USP31: variants seen among roughly 807,000 people sequenced by gnomAD.
USP31 encodes ubiquitin specific peptidase 31.
In USP31, 44 loss-of-function variants were observed where a neutral mutation model predicts 119.4. The ratio of observed to expected loss-of-function variants is 0.37; its 90% CI spans 0.29 to 0.47. USP31 has a LOEUF of 0.47. Among genes scored for constraint, USP31 ranks in the 20% least tolerant of loss-of-function variants. The probability of loss-of-function intolerance (pLI) is 0.99; values close to 1 mark genes in which losing one functional copy is unlikely to be tolerated. For synonymous variants in USP31, 749 were observed against 705.6 expected, an observed-to-expected ratio of 1.06 and a Z score of -0.97; for missense variants, 1,643 against 1,730.2, an observed-to-expected ratio of 0.95 and a Z score of 0.89.
intron 1 of USP31, among the ~76,000 whole-genome samples, chr16:23,121,247 G>A (rs1179765707): frequency 6.6e-6 from 1 of 152,176 alleles, no homozygotes; most frequent in African/African-American, 2.4e-5. Flanking sequence ...CAGACCTGCT[G>A]TGGCACTCTA....
rs1900061225 is a variant in USP31, at chr16:23,066,198, C to A, written c.*1848G>T. On this transcript the variant is annotated 3_prime_UTR_variant, in exon 16 of 16. Coordinates refer to ENST00000219689, the MANE Select transcript of USP31 (RefSeq NM_020718.4). Reference sequence around the variant, plus strand: ...GTACAGGGCTGAGTGCAATGGACAACAGGCTCACAGTCAATGAATCACATG... The same window carrying A: ...GTACAGGGCTGAGTGCAATGGACAAAAGGCTCACAGTCAATGAATCACATG... 1 of 152,476 alleles carries A rather than the reference C, an allele frequency of 6.6e-6. No homozygotes were observed. The highest frequency in any genetic ancestry group is 1.5e-5 in the Non-Finnish European group (1 of 68,018). 9.4% of individuals were successfully genotyped at this position (152,476 alleles called of 1,614,324 possible).
intron 1 of USP31, among the ~76,000 whole-genome samples, chr16:23,127,581 G>A (rs1255045821): frequency 6.6e-6 from 1 of 151,560 alleles, no homozygotes; most frequent in Non-Finnish European, 1.5e-5. Context: ...TCCTGCCTCA[G>A]CCTCCCAAGT....
intron 6 of USP31, among the ~76,000 whole-genome samples, chr16:23,098,848 A>G (rs1901728108): frequency 6.6e-6 from 1 of 152,244 alleles, no homozygotes; most frequent in Admixed American, 6.5e-5. Flanking sequence ...CTTAAATCTT[A>G]GACCTAGAAC....
At chr16:23,148,443 TTGAG>T (rs549839091) in intron 1 of USP31, among the ~76,000 whole-genome samples, 191 bp downstream of exon 1, 263 of 152,324 alleles carry the variant, frequency 1.7e-3, no homozygotes, top group African/African-American at 5.7e-3. Context: ...AAATACATGT[TTGAG>T]TGAGTGAGTG....
chr16:23,063,230 A>T lies in USP31; in HGVS notation c.*4816T>A, dbSNP rs1004211760. 1 of 152,218 alleles carries T rather than the reference A, an allele frequency of 6.6e-6. No homozygotes were observed. Among genetic ancestry groups the T allele is most frequent in the South Asian group, 2.1e-4 (1 of 4,834 alleles). 9.4% of individuals were successfully genotyped at this position (152,218 alleles called of 1,614,324 possible). A position where few individuals can be genotyped will look rare whatever the true frequency, so the allele number is the denominator to read the frequency against. ...AATTTGCTGTGCACCCCTTCTCCCA[A>T]AAATTGGGAAACACTAAACAAATGT... On this transcript the variant is annotated 3_prime_UTR_variant, in exon 16 of 16. Coordinates refer to ENST00000219689, the MANE Select transcript of USP31 (RefSeq NM_020718.4).
Position 23,081,897 on chromosome 16 carries a change from AC to A in USP31, c.1950+540del, listed in dbSNP as rs1900846128. ...AAGCTTGCTCATCTTTCAGATACAA[AC>A]TAAGAGCCAGGCCTTGTGGAGTCCG... On this transcript the variant is annotated intron_variant, in intron 12 of 15. Transcript: ENST00000219689. Among the ~76,000 whole-genome samples, 2 of 152,218 alleles carry A rather than the reference AC, an allele frequency of 1.3e-5. 1 individual carries two copies. Among genetic ancestry groups the A allele is most frequent in the African/African-American group, 4.8e-5 (2 of 41,454 alleles).
chr16:23,142,449 G>A (rs1903379151), intron 1 of USP31, among the ~76,000 whole-genome samples: 1 of 152,178 alleles, frequency 6.6e-6, no homozygotes, highest in Non-Finnish European at 1.5e-5. Flanking sequence ...ACACGTTTCA[G>A]CACGTCCCCT....
Position 23,149,380 on chromosome 16 carries a change from C to G in USP31, c.-110G>C. ...CGCCTCACCGGGCCCGGGGGCTCGA[C>G]GCCCCACACACCTCAAAGCGCAGCC... On this transcript the variant is annotated 5_prime_UTR_variant, in exon 1 of 16. Coordinates refer to ENST00000219689, the MANE Select transcript of USP31 (RefSeq NM_020718.4). 1 of 985,380 alleles carries G rather than the reference C, an allele frequency of 1.0e-6. No individual in the cohort carries two copies. Among genetic ancestry groups the G allele is most frequent in the African/African-American group, 1.8e-5 (1 of 56,920 alleles). 61.0% of individuals were successfully genotyped at this position (985,380 alleles called of 1,614,324 possible). A position where few individuals can be genotyped will look rare whatever the true frequency, so the allele number is the denominator to read the frequency against.
Position 23,063,781 on chromosome 16 carries a change from T to C in USP31, c.*4265A>G, listed in dbSNP as rs531696295. The C allele has an allele frequency of 1.3e-5, 2 of 152,258 alleles. No individual in the cohort carries two copies. The highest frequency in any genetic ancestry group is 4.1e-4 in the South Asian group (2 of 4,820). The allele number at this position is 152,258 out of a possible 1,614,324, so 9.4% of individuals were successfully genotyped here. On this transcript the variant is annotated 3_prime_UTR_variant, in exon 16 of 16. Coordinates refer to ENST00000219689, the MANE Select transcript of USP31 (RefSeq NM_020718.4). ...TTTCATGTCTATATGTTTTATTGTT[T>C]GCTTGCATAGGTAGTAAGAGCATGC...
At chr16:23,071,770 T>G (rs1312072431) in intron 15 of USP31, among the ~76,000 whole-genome samples, 1 of 151,068 alleles carries the variant, frequency 6.6e-6, no homozygotes, top group Non-Finnish European at 1.5e-5. Flanking sequence ...AAGTATACAT[T>G]GGTATATAAA....
chr16:23,068,677 G>A lies in USP31; in HGVS notation c.3428C>T (p.Pro1143Leu). The A allele has an allele frequency of 6.2e-7, 1 of 1,614,194 alleles. No individual in the cohort carries two copies. The highest frequency in any genetic ancestry group is 8.5e-7 in the Non-Finnish European group (1 of 1,180,028). The change falls in exon 16 of 16, where the codon CCA becomes CTA. Residue 1143 changes from proline to leucine, a missense_variant. Pro to Leu is a moderately conservative substitution (Grantham distance 98). Around this residue, in one of 5 missense-constraint regions of USP31, gnomAD observed 699 missense variants for 650.9 expected, o/e 1.07. Transcript: ENST00000219689. ...ASGPATRSPFPPGKSRTSDHS... is the reference protein window; with the variant it reads ...ASGPATRSPFLPGKSRTSDHS... The stretch of plus-strand genomic sequence containing the variant: ...GTCTGAAGTCCTGCTCTTCCCAGGT[G>A]GGAAAGGGCTCCTTGTGGCAGGGCC...
intron 1 of USP31, among the ~76,000 whole-genome samples, chr16:23,137,385 T>G (rs546136640): frequency 1.1e-4 from 17 of 152,188 alleles, no homozygotes; most frequent in African/African-American, 4.1e-4. Context: ...AGTTTGACAG[T>G]CCCTCAAAAA....
rs759757564 is a variant in USP31 at position 23,068,390 on chromosome 16, G to A, written c.3715C>T (p.Arg1239Trp). 20 of 1,613,832 alleles carry A rather than the reference G, an allele frequency of 1.2e-5. No individual in the cohort carries two copies. The highest frequency in any genetic ancestry group is 1.7e-4 in the Middle Eastern group (1 of 6,050). Residue 1239 changes from arginine to tryptophan, a missense_variant, in exon 16 of 16, where the codon CGG becomes TGG. By Grantham distance (101) the Arg-to-Trp change is moderately radical. Transcript: ENST00000219689. ...GTCTTGCCAAGATCCGTCGAGCGCC[G>A]GGTTTCCTTCTGTCTCAAGGCTGAT... Reference protein sequence around the residue: ...FKSALRQKETRRSTDLGKTAL... With the variant: ...FKSALRQKETWRSTDLGKTAL...
In USP31 at chr16:23,149,146, C is replaced by T. The variant is rs777962730; in HGVS notation, c.125G>A (p.Gly42Glu). The change falls in exon 1 of 16, where the codon GGG becomes GAG. Residue 42 changes from glycine (G) to glutamate (E), a missense_variant. This residue lies in a region of USP31 where 302 missense variants were observed against 262.6 expected (regional missense o/e 1.15). Transcript: ENST00000219689. ...GGAAGGCGCGGCCGGCCCGGACGCC[C>T]CGGGGCCCCCCGCGCCGCCGCCGCC... ...RAGGGGAGGP[G>E]ASGPAAPSSP... 1.4e-4 allele frequency: 168 copies of T among 1,185,828 alleles called. 1 individual carries two copies. In the African/African-American group the frequency reaches 2.5e-3, roughly 18 times the overall value. The allele number at this position is 1,185,828 out of a possible 1,614,324, so 73.5% of individuals were successfully genotyped here.
In USP31 at chr16:23,062,620, A is replaced by C. The variant is rs1899888431; in HGVS notation, c.*5426T>G. The C allele has an allele frequency of 6.6e-6, 1 of 152,498 alleles. No individual in the cohort carries two copies. Among genetic ancestry groups the C allele is most frequent in the Non-Finnish European group, 1.5e-5 (1 of 68,028 alleles). 9.4% of individuals were successfully genotyped at this position (152,498 alleles called of 1,614,324 possible). A position where few individuals can be genotyped will look rare whatever the true frequency, so the allele number is the denominator to read the frequency against. ...TTTCTTCTTCGACAATTTCTAGCTC[A>C]GAGTGACTTCCCTATTCCCCCACGG... On this transcript the variant is annotated 3_prime_UTR_variant, in exon 16 of 16. Coordinates refer to ENST00000219689, the MANE Select transcript of USP31 (RefSeq NM_020718.4).
chr16:23,144,212 A>T (rs1452797335), intron 1 of USP31, among the ~76,000 whole-genome samples: 1 of 152,194 alleles, frequency 6.6e-6, no homozygotes, highest in African/African-American at 2.4e-5. Context: ...TAAAGTTTTA[A>T]GATAATAAAA....
chr16:23,101,789 G>T (rs1023038142), intron 6 of USP31, among the ~76,000 whole-genome samples: 1 of 151,888 alleles, frequency 6.6e-6, no homozygotes, highest in African/African-American at 2.4e-5. Flanking sequence ...AGGCACAGTG[G>T]GGAGACAAGC....
At chr16:23,145,077 T>C (rs1903467561) in intron 1 of USP31, among the ~76,000 whole-genome samples, 2 of 152,110 alleles carry the variant, frequency 1.3e-5, no homozygotes, top group African/African-American at 4.8e-5. Context: ...CCACTAAATG[T>C]CTATTCCCCA....
chr16:23,116,011 A>G (rs1902474293), intron 1 of USP31, among the ~76,000 whole-genome samples: 1 of 152,162 alleles, frequency 6.6e-6, no homozygotes, highest in African/African-American at 2.4e-5. Flanking sequence ...AGAAAAAGCA[A>G]TGGTCGGTCA....
Sources: gnomAD v4.1 joint callset for allele counts (sites outside exome capture counted in the v4.1 genomes callset) on GRCh38, gnomAD v4.1.1 for gene constraint, gnomAD v4.1.1 regional missense constraint, MANE v1.5 for transcripts, NCBI Gene and HGNC (gene_info 2026-07-23, HGNC 2026-07-21) for gene names.